The following CFAP299 variants were observed in gnomAD, a reference collection of about 807,000 sequenced individuals.
CFAP299 encodes cilia and flagella associated protein 299.
In CFAP299, 21 loss-of-function variants were observed where a neutral mutation model predicts 27.0. The observed-to-expected ratio is 0.78, with a 90% CI of 0.55 to 1.12. The LOEUF is 1.12. Among genes scored for constraint, CFAP299 ranks in the 50% most tolerant of loss-of-function variants. The pLI is 0.00. For synonymous variants in CFAP299, 104 were observed against 98.1 expected (o/e 1.06, Z -0.36); for missense variants, 310 against 276.6 (o/e 1.12, Z -0.86).
intron 4 of CFAP299, among the ~76,000 whole-genome samples, chr4:80,882,985 A>G (rs1331802490): frequency 6.6e-6 from 1 of 152,158 alleles, no homozygotes; most frequent in Non-Finnish European, 1.5e-5. Context: ...TATAAATCTC[A>G]TTGCTTAAAA....
At chr4:80,807,994 A>C (rs1040822394) in intron 3 of CFAP299, among the ~76,000 whole-genome samples, 2 of 151,912 alleles carry the variant, frequency 1.3e-5, no homozygotes, top group African/African-American at 4.8e-5. Context: ...AACTATCCAT[A>C]TCATGTGAGC....
intron 2 of CFAP299, chr4:80,387,315 T>C (rs779174267): frequency 8.3e-5 from 133 of 1,608,322 alleles, no homozygotes; most frequent in Non-Finnish European, 1.1e-4. Flanking sequence ...TTTGGGAACG[T>C]TTGGGCACAG....
At chr4:80,879,091 G>T (rs2110174616) in intron 4 of CFAP299, among the ~76,000 whole-genome samples, 1 of 152,148 alleles carries the variant, frequency 6.6e-6, no homozygotes, top group African/African-American at 2.4e-5. Flanking sequence ...TTATTCTTTA[G>T]ATAACATTTC....
At chr4:80,941,877 G>A (rs6840380) in intron 4 of CFAP299, among the ~76,000 whole-genome samples, 48,978 of 152,012 alleles carry the variant, frequency 0.32, 12,185 homozygotes, top group African/African-American at 0.69. Context: ...TCTCACAAGA[G>A]CTCAGTCACT....
intron 2 of CFAP299, among the ~76,000 whole-genome samples, chr4:80,474,312 C>T (rs1283752307): frequency 6.6e-6 from 1 of 151,910 alleles, no homozygotes; most frequent in Non-Finnish European, 1.5e-5. Context: ...TGGAATCTGG[C>T]TTTTCTGCCT....
At chr4:80,844,205 A>C (rs1388026244) in intron 3 of CFAP299, among the ~76,000 whole-genome samples, 1 of 152,180 alleles carries the variant, frequency 6.6e-6, no homozygotes, top group East Asian at 1.9e-4. Flanking sequence ...ATAGTGCCAC[A>C]ATAAACATAT....
At chr4:80,861,464 A>G (rs1732354406) in intron 3 of CFAP299, among the ~76,000 whole-genome samples, 2 of 152,060 alleles carry the variant, frequency 1.3e-5, no homozygotes. Context: ...TGAACCCGGT[A>G]CCTCAGATGG....
intron 4 of CFAP299, among the ~76,000 whole-genome samples, chr4:80,921,122 A>G (rs1430503183): frequency 5.3e-5 from 8 of 152,078 alleles, no homozygotes; most frequent in Non-Finnish European, 1.2e-4. Flanking sequence ...TGGGGAGAAC[A>G]GTTCGGTATA....
chr4:80,820,436 A>T (rs1729641855), intron 3 of CFAP299, among the ~76,000 whole-genome samples: 1 of 152,170 alleles, frequency 6.6e-6, no homozygotes, highest in Non-Finnish European at 1.5e-5. Context: ...TGGATGTAAT[A>T]GAGAAATATG....
chr4:80,887,053 A>G (rs1362006698), intron 4 of CFAP299, among the ~76,000 whole-genome samples: 1 of 152,162 alleles, frequency 6.6e-6, no homozygotes, highest in African/African-American at 2.4e-5. Flanking sequence ...AAGAAAAAAA[A>G]TAAACAATGA....
intron 3 of CFAP299, among the ~76,000 whole-genome samples, chr4:80,612,264 A>T (rs1378920962): frequency 6.6e-6 from 1 of 152,096 alleles, no homozygotes; most frequent in Non-Finnish European, 1.5e-5. Flanking sequence ...GGAGAAAAAT[A>T]AAATAGTAAA....
intron 4 of CFAP299, among the ~76,000 whole-genome samples, chr4:80,880,717 C>G (rs577365863): frequency 2.7e-5 from 4 of 150,436 alleles, no homozygotes; most frequent in Admixed American, 2.0e-4. Context: ...CAGAGCGAGA[C>G]TCCGTCTCAA....
chr4:80,541,759 T>A (rs1170293408), intron 2 of CFAP299, among the ~76,000 whole-genome samples: 2 of 152,124 alleles, frequency 1.3e-5, no homozygotes, highest in Admixed American at 1.3e-4. Context: ...AGACATTTAA[T>A]AATTAAACAC....
chr4:80,522,462 C>G (rs981149891), intron 2 of CFAP299, among the ~76,000 whole-genome samples: 4 of 152,108 alleles, frequency 2.6e-5, no homozygotes, highest in Admixed American at 6.6e-5. Context: ...TGCCCTTTGA[C>G]TCTGTTGATG....
intron 2 of CFAP299, among the ~76,000 whole-genome samples, chr4:80,443,156 A>G (rs1290483514): frequency 1.3e-5 from 2 of 152,204 alleles, no homozygotes; most frequent in African/African-American, 4.8e-5. Context: ...AAACAATAGA[A>G]AGAGAGGGAC....
chr4:80,772,558 T>C (rs975158529), intron 3 of CFAP299, among the ~76,000 whole-genome samples: 2 of 151,894 alleles, frequency 1.3e-5, no homozygotes, highest in Admixed American at 6.6e-5. Flanking sequence ...ATTTTTTTTT[T>C]ATTTTACTTT....
chr4:80,667,102 C>T (rs1439977283), intron 3 of CFAP299, among the ~76,000 whole-genome samples: 2 of 152,108 alleles, frequency 1.3e-5, no homozygotes, highest in Admixed American at 1.3e-4. Flanking sequence ...TTAATTTTCC[C>T]ATCACATAAG....
rs143912089 is a variant in CFAP299, at chr4:80,366,708, C to T, written c.242+3824C>T. On this transcript the variant is annotated intron_variant, in intron 2 of 5. Coordinates refer to ENST00000358105, the MANE Select transcript of CFAP299 (RefSeq NM_152770.3). ...TATATGACCCAGCAATTCTACCAAACACATATTCAAGGGAATTGAAAAACC... is the reference window on the plus strand; with the variant it reads ...TATATGACCCAGCAATTCTACCAAATACATATTCAAGGGAATTGAAAAACC... Among the ~76,000 whole-genome samples, 337 of 152,258 alleles carry T rather than the reference C, an allele frequency of 2.2e-3. 1 individual carries two copies. The highest frequency in any genetic ancestry group is 7.7e-3 in the African/African-American group (321 of 41,556).
chr4:80,607,704 C>T (rs1560652939), intron 3 of CFAP299, among the ~76,000 whole-genome samples: 1 of 152,190 alleles, frequency 6.6e-6, no homozygotes, highest in Non-Finnish European at 1.5e-5. Context: ...CGCTCAGCTT[C>T]TGGCTGCAGA....
Sources: gnomAD v4.1 joint callset for allele counts (sites outside exome capture counted in the v4.1 genomes callset) on GRCh38, gnomAD v4.1.1 for gene constraint, MANE v1.5 for transcripts, NCBI Gene and HGNC (gene_info 2026-07-23, HGNC 2026-07-21) for gene names.